Variants in WNK2 observed in about 807,000 individuals in gnomAD.
WNK2 encodes serine/threonine-protein kinase WNK2.
A neutral mutation model predicts 192.1 loss-of-function variants in WNK2; 67 were observed. That is an observed-to-expected ratio of 0.35 (90% CI 0.29 to 0.43). The LOEUF (loss-of-function observed/expected upper bound fraction) is 0.43. Among genes scored for constraint, WNK2 ranks in the 20% least tolerant of loss-of-function variants. The probability of loss-of-function intolerance (pLI) is 1.00; values close to 1 mark genes in which losing one functional copy is unlikely to be tolerated. For missense variants in WNK2, 2,698 were observed against 3,089.7 expected (o/e 0.87, Z 3.01); for synonymous variants, 1,439 against 1,393.9 (o/e 1.03, Z -0.72).
chr9:93,297,813 G>T, intron 23 of WNK2, 40 bp from the exon 24 acceptor site: 2 of 1,537,690 alleles, frequency 1.3e-6, no homozygotes, highest in Non-Finnish European at 8.8e-7. Context: ...TGGAAACACC[G>T]AGGAAGCCCA....
intron 19 of WNK2, 63 bp from the exon 20 acceptor site, chr9:93,288,725 G>A: frequency 1.4e-6 from 2 of 1,470,886 alleles, no homozygotes; most frequent in Non-Finnish European, 1.8e-6. Flanking sequence ...TTTAGCCAAG[G>A]AAGAAACAGG....
At chr9:93,255,077 A>G (rs1843095065) in intron 9 of WNK2, among the ~76,000 whole-genome samples, 1 of 152,210 alleles carries the variant, frequency 6.6e-6, no homozygotes, top group South Asian at 2.1e-4. Flanking sequence ...GGGACATCAC[A>G]GGTACAGTCA....
At chr9:93,223,719 C>A (rs1837342300) in intron 2 of WNK2, among the ~76,000 whole-genome samples, 1 of 152,246 alleles carries the variant, frequency 6.6e-6, no homozygotes, top group Non-Finnish European at 1.5e-5. Context: ...TGGCCCCCAG[C>A]TTGGGTCGAC....
Position 93,184,947 on chromosome 9 carries a change from C to T in WNK2, c.18C>T (p.Gly6=). 8.1e-7 allele frequency: 1 copy of T among 1,231,510 alleles called. No individual in the cohort carries two copies. The allele number at this position is 1,231,510 out of a possible 1,614,324, so 76.3% of individuals were successfully genotyped here. ...CCACAGAGATGGACGGCGATGGCGG[C>T]CGCCGAGACGTCCCCGGCACGCTGA... MDGDG[G]RRDVPGTLME... is the part of the protein sequence containing the mutation. The change falls in exon 2 of 30, where the codon GGC becomes GGT. Residue 6 remains glycine, a synonymous_variant. Transcript: ENST00000427277.
chr9:93,303,069 C>T (rs1392803589), intron 26 of WNK2, among the ~76,000 whole-genome samples: 6 of 152,190 alleles, frequency 3.9e-5, no homozygotes. Flanking sequence ...CAGGTCTGCA[C>T]CACCACACCC....
rs377755699 is a variant in WNK2 at position 93,268,680 on chromosome 9, G to A, written c.3967G>A (p.Ala1323Thr). The A allele has an allele frequency of 2.3e-5, 37 of 1,613,148 alleles. No individual in the cohort carries two copies. Among genetic ancestry groups the A allele is most frequent in the African/African-American group, 5.3e-5 (4 of 74,822 alleles). ...FIICPVAEHP[A>T]PEAPESSPPL... ...CATCTGTCCGGTGGCTGAGCACCCCGCCCCCGAGGCCCCTGAATCTTCGCC... is the reference window on the plus strand; with the variant it reads ...CATCTGTCCGGTGGCTGAGCACCCCACCCCCGAGGCCCCTGAATCTTCGCC... Residue 1323 changes from alanine (A) to threonine (T), a missense_variant, in exon 19 of 30, where the codon GCC becomes ACC. Around this residue, in one of 7 missense-constraint regions of WNK2, gnomAD observed 1,098 missense variants for 1,101.0 expected, o/e 1.00. Transcript: ENST00000427277.
At chr9:93,195,464 C>T (rs1283398261) in intron 2 of WNK2, among the ~76,000 whole-genome samples, 6 of 151,972 alleles carry the variant, frequency 3.9e-5, no homozygotes, top group East Asian at 3.9e-4. Context: ...TTTGGGAGGC[C>T]GAGGCAGGTG....
chr9:93,246,010 G>C, intron 7 of WNK2, among the ~76,000 whole-genome samples: 1 of 152,298 alleles, frequency 6.6e-6, no homozygotes, highest in Middle Eastern at 3.4e-3. Context: ...GAGGAGAAAC[G>C]GAGGGAGAGA....
rs746844510 is a variant in WNK2 at position 93,256,389 on chromosome 9, G to A, written c.2125G>A (p.Val709Met). The A allele has an allele frequency of 4.2e-5, 65 of 1,558,046 alleles. No individual in the cohort carries two copies. Among genetic ancestry groups the A allele is most frequent in the Middle Eastern group, 1.8e-4 (1 of 5,626 alleles). The change falls in exon 10 of 30, where the codon GTG becomes ATG. Residue 709 changes from valine (V) to methionine (M), a missense_variant. Physicochemically the swap from Val to Met is conservative, Grantham distance 21 (BLOSUM62 1). Around this residue, in one of 7 missense-constraint regions of WNK2, gnomAD observed 893 missense variants for 909.0 expected, o/e 0.98. Coordinates refer to ENST00000427277, the MANE Select transcript of WNK2 (RefSeq NM_006648.4). ...GGATCCGGCCATGAGCTTCGCCCCC[G>A]TGCTGCCGCCGCCCAGCACCCCCAT... ...FPDPAMSFAP[V>M]LPPPSTPMPT... is the part of the protein sequence containing the mutation.
At chr9:93,302,416 G>A (rs532294537) in intron 26 of WNK2, among the ~76,000 whole-genome samples, 26 of 152,238 alleles carry the variant, frequency 1.7e-4, no homozygotes, top group African/African-American at 3.6e-4. Flanking sequence ...GCCAAGGTGC[G>A]GCTAGTGGGG....
Position 93,289,983 on chromosome 9 carries a change from G to A in WNK2, c.4872G>A (p.Glu1624=), listed in dbSNP as rs768862739. 3.2e-6 allele frequency: 5 copies of A among 1,571,560 alleles called. No homozygotes were observed. The highest frequency in any genetic ancestry group is 1.2e-5 in the South Asian group (1 of 85,464). The change falls in exon 21 of 30, where the codon GAG becomes GAA. Residue 1624 remains glutamate, a synonymous_variant. Transcript: ENST00000427277. The part of the protein sequence containing the change: ...GRVQLPQPLV[E]KSELAPTRGA... ...TTTTGTGTTTCTTTCTCCAGGTGGA[G>A]AAGTCAGAACTGGCCCCCACTCGAG...
intron 21 of WNK2, among the ~76,000 whole-genome samples, chr9:93,290,301 G>T (rs1315102581): frequency 6.6e-6 from 1 of 151,474 alleles, no homozygotes; most frequent in Non-Finnish European, 1.5e-5. Context: ...CTTTGAATGG[G>T]CCCAACACAA....
chr9:93,288,690 C>T (rs41308906), intron 19 of WNK2, 98 bp from the exon 20 acceptor site: 148,200 of 1,232,776 alleles, frequency 0.12, 9,901 homozygotes, highest in Middle Eastern at 0.16. Context: ...ACGCTGGGGC[C>T]ATGGCCAGCT....
chr9:93,212,385 T>C (rs947781620), intron 2 of WNK2, among the ~76,000 whole-genome samples: 1 of 152,130 alleles, frequency 6.6e-6, no homozygotes, highest in Admixed American at 6.5e-5. Flanking sequence ...CAGGACAGCA[T>C]CCCAGAGAGG....
intron 2 of WNK2, among the ~76,000 whole-genome samples, chr9:93,188,783 A>T (rs10992668): frequency 0.14 from 20,938 of 152,034 alleles, 1,950 homozygotes; most frequent in South Asian, 0.26. Flanking sequence ...GGGGGTGCTG[A>T]TCTGGGTCAC....
At chr9:93,262,548 G>A in intron 13 of WNK2, 122 bp from the exon 14 acceptor site, 1 of 1,051,914 alleles carries the variant, frequency 9.5e-7, no homozygotes, top group Non-Finnish European at 1.4e-6. Context: ...GAGAGCAGGA[G>A]AACGCAGCGG....
intron 2 of WNK2, among the ~76,000 whole-genome samples, chr9:93,193,616 C>G (rs577099346): frequency 1.3e-5 from 2 of 152,320 alleles, no homozygotes; most frequent in East Asian, 3.9e-4. Context: ...AAGCTAGGAT[C>G]TGCCTCTGAC....
intron 19 of WNK2, among the ~76,000 whole-genome samples, chr9:93,281,752 A>G (rs562261568): frequency 6.6e-6 from 1 of 152,298 alleles, no homozygotes; most frequent in South Asian, 2.1e-4. Context: ...ACATGGGAAA[A>G]TTTAAAGGAT....
chr9:93,262,144 G>T lies in WNK2; in HGVS notation c.3360+37G>T, dbSNP rs187456961. The stretch of plus-strand genomic sequence containing the variant: ...TCCCCCCAGCCTGTCCCATGACTGG[G>T]CAGTTGCGGCCACCGGGGATCTGCA... On this transcript the variant is annotated intron_variant, in intron 13 of 29. Coordinates refer to ENST00000427277, the MANE Select transcript of WNK2 (RefSeq NM_006648.4). 34 of 1,540,578 alleles carry T rather than the reference G, an allele frequency of 2.2e-5. No homozygotes were observed. In the South Asian group the frequency reaches 2.5e-4, roughly 11 times the overall value.
Sources: allele counts gnomAD v4.1 joint callset (sites outside exome capture counted in the v4.1 genomes callset), GRCh38; gene constraint gnomAD v4.1.1; regional missense constraint gnomAD v4.1.1; transcripts MANE v1.5; gene names NCBI Gene and HGNC (gene_info 2026-07-23, HGNC 2026-07-21).